Variants in PPARGC1A observed in about 807,000 individuals in gnomAD.
PPARGC1A encodes the protein peroxisome proliferator-activated receptor gamma coactivator 1-alpha.
Under a neutral mutation model 88.7 loss-of-function variants are expected in PPARGC1A, and 25 were observed. That is an observed-to-expected ratio of 0.28 (90% CI 0.21 to 0.39). PPARGC1A has a LOEUF of 0.39. PPARGC1A is among the 10% of genes least tolerant of loss of function. PPARGC1A has a pLI of 1.00. For synonymous variants in PPARGC1A, 363 were observed against 355.6 expected (o/e 1.02, Z -0.24); for missense variants, 880 against 968.7 (o/e 0.91, Z 1.22).
At chr4:23,943,328 T>A in the PPARGC1A span, among the ~76,000 whole-genome samples, 1 of 151,920 alleles carries the variant, frequency 6.6e-6, no homozygotes, top group South Asian at 2.1e-4. Context: ...CAAACATGAG[T>A]GCAAATAGGT....
chr4:24,147,283 G>A, the PPARGC1A span, among the ~76,000 whole-genome samples: 3 of 152,146 alleles, frequency 2.0e-5, no homozygotes, highest in Admixed American at 6.5e-5. Context: ...CCGGAAGGTC[G>A]GGTTGATCAA....
the PPARGC1A span, among the ~76,000 whole-genome samples, chr4:24,177,523 G>T: frequency 1.3e-5 from 2 of 151,772 alleles, no homozygotes; most frequent in African/African-American, 4.8e-5. Context: ...GTTAAATGAC[G>T]AGTGACTGGG....
the PPARGC1A span, among the ~76,000 whole-genome samples, chr4:24,323,943 C>T: frequency 6.6e-6 from 1 of 152,214 alleles, no homozygotes; most frequent in South Asian, 2.1e-4. Context: ...CTTGGCGCTA[C>T]ACTTCAATCT....
At chr4:24,309,332 C>T in the PPARGC1A span, among the ~76,000 whole-genome samples, 1 of 151,984 alleles carries the variant, frequency 6.6e-6, no homozygotes, top group Non-Finnish European at 1.5e-5. Flanking sequence ...AGGGGTAATG[C>T]AAAGATGCAT....
At chr4:23,986,043 C>T in the PPARGC1A span, among the ~76,000 whole-genome samples, 32,396 of 151,738 alleles carry the variant, frequency 0.21, 4,166 homozygotes, top group African/African-American at 0.36. Context: ...TGAAACTCCC[C>T]GAGCCCTTTG....
chr4:24,362,985 G>A, the PPARGC1A span, among the ~76,000 whole-genome samples: 2 of 152,140 alleles, frequency 1.3e-5, no homozygotes, highest in Non-Finnish European at 2.9e-5. Flanking sequence ...ATATTTAGAC[G>A]ACTTCAAGAA....
the PPARGC1A span, among the ~76,000 whole-genome samples, chr4:24,304,179 C>T: frequency 6.6e-6 from 1 of 152,162 alleles, no homozygotes; most frequent in African/African-American, 2.4e-5. Flanking sequence ...CTAATAAATG[C>T]TTATAGATGA....
At chr4:24,341,571 G>C in the PPARGC1A span, among the ~76,000 whole-genome samples, 2 of 152,152 alleles carry the variant, frequency 1.3e-5, no homozygotes, top group Non-Finnish European at 2.9e-5. Context: ...TTTAAGAAAA[G>C]ATAATGACGG....
the PPARGC1A span, among the ~76,000 whole-genome samples, chr4:23,928,983 G>A: frequency 7.2e-5 from 11 of 151,982 alleles, no homozygotes; most frequent in African/African-American, 1.2e-4. Flanking sequence ...CAGGGGATGC[G>A]GTTGGGGGAG....
At chr4:24,109,019 C>CCACA in the PPARGC1A span, among the ~76,000 whole-genome samples, 13 of 140,652 alleles carry the variant, frequency 9.2e-5, no homozygotes, top group Non-Finnish European at 1.4e-4. Context: ...CACACACACA[C>CCACA]CACACACACA....
chr4:24,097,534 G>T, the PPARGC1A span, among the ~76,000 whole-genome samples: 10 of 151,778 alleles, frequency 6.6e-5, no homozygotes, highest in East Asian at 1.4e-3. Flanking sequence ...TTTTTAGGTG[G>T]TTTTTTTTCA....
chr4:24,400,759 G>A, the PPARGC1A span, among the ~76,000 whole-genome samples: 3 of 152,134 alleles, frequency 2.0e-5, no homozygotes, highest in Admixed American at 1.3e-4. Flanking sequence ...CTAGCTCATC[G>A]TAAGACTGTC....
At chr4:24,219,899 T>G in the PPARGC1A span, among the ~76,000 whole-genome samples, 2 of 152,200 alleles carry the variant, frequency 1.3e-5, no homozygotes, top group Non-Finnish European at 2.9e-5. Flanking sequence ...GTCCCATCAG[T>G]AAAGAGAAGT....
At chr4:24,135,048 A>C in the PPARGC1A span, among the ~76,000 whole-genome samples, 2 of 152,116 alleles carry the variant, frequency 1.3e-5, no homozygotes, top group Non-Finnish European at 2.9e-5. Flanking sequence ...CTTCGCTACC[A>C]TGTGTCACTC....
the PPARGC1A span, among the ~76,000 whole-genome samples, chr4:24,144,982 G>T: frequency 1.3e-5 from 2 of 150,372 alleles, no homozygotes; most frequent in East Asian, 3.9e-4. Flanking sequence ...TTTTAGTCTG[G>T]ATCTTGGGGG....
At chr4:23,825,811 G>A (rs1723827845) in intron 5 of PPARGC1A, among the ~76,000 whole-genome samples, 2 of 152,050 alleles carry the variant, frequency 1.3e-5, no homozygotes, top group Non-Finnish European at 2.9e-5. Flanking sequence ...TAGATACATT[G>A]ATTCAGTTTT....
chr4:24,461,747 G>A, the PPARGC1A span, among the ~76,000 whole-genome samples: 4 of 151,872 alleles, frequency 2.6e-5, no homozygotes, highest in South Asian at 2.1e-4. Flanking sequence ...AAAAACTCTC[G>A]GCAGGTATTC....
upstream of PPARGC1A, among the ~76,000 whole-genome samples, chr4:23,892,853 C>A (rs1718054722): frequency 2.0e-5 from 3 of 152,064 alleles, no homozygotes. Context: ...GGATGACAAC[C>A]CTTAAAAATG....
At position 23,819,972 on chromosome 4, in the gene PPARGC1A, A is replaced by G. The variant is rs200575413; in HGVS notation, c.877+4308T>C. On this transcript the variant is annotated intron_variant, in intron 7 of 12. Transcript: ENST00000264867. ...CACATACACAAGGAGTATGTATGCC[A>G]AAAGGCTACAGCCGTTTGTCAATAT... 2.7e-4 allele frequency among the ~76,000 whole-genome samples: 41 copies of G among 152,318 alleles called. No homozygotes were observed. The East Asian group carries it at 3.7e-3, about 14-fold the overall frequency.
Sources: allele counts gnomAD v4.1 joint callset (sites outside exome capture counted in the v4.1 genomes callset), GRCh38; gene constraint gnomAD v4.1.1; transcripts MANE v1.5; gene names NCBI Gene and HGNC (gene_info 2026-07-23, HGNC 2026-07-21).